Variants in RXFP1 observed in about 807,000 individuals in gnomAD.
RXFP1 encodes the protein relaxin family peptide receptor 1.
Under a neutral mutation model 89.8 loss-of-function variants are expected in RXFP1, and 73 were observed. The observed-to-expected ratio is 0.81, with a 90% confidence interval of 0.67 to 0.99. The LOEUF is 0.99. RXFP1 is among the 50% of genes least tolerant of loss of function. The pLI, the probability that RXFP1 is intolerant of heterozygous loss-of-function variation, is 0.00. For synonymous variants in RXFP1, 277 were observed against 305.5 expected (o/e 0.91, Z 0.97); for missense variants, 793 against 895.5 (o/e 0.89, Z 1.46).
intron 5 of RXFP1, among the ~76,000 whole-genome samples, chr4:158,605,437 C>G (rs1033810882): frequency 6.6e-6 from 1 of 152,164 alleles, no homozygotes; most frequent in African/African-American, 2.4e-5. Context: ...TTATCCTCTG[C>G]GTTATTCTAG....
chr4:158,564,706 G>T (rs375996702), intron 1 of RXFP1, among the ~76,000 whole-genome samples: 1 of 152,138 alleles, frequency 6.6e-6, no homozygotes, highest in African/African-American at 2.4e-5. Flanking sequence ...GTTACACAAC[G>T]AGAGCATGTT....
intron 3 of RXFP1, among the ~76,000 whole-genome samples, chr4:158,595,900 A>C (rs1343234688): frequency 4.6e-5 from 7 of 152,010 alleles, no homozygotes; most frequent in Admixed American, 3.3e-4. Context: ...TAATCCCAGC[A>C]CTTTGCGAGG....
At chr4:158,574,892 A>T (rs893621469) in intron 2 of RXFP1, among the ~76,000 whole-genome samples, 3 of 141,448 alleles carry the variant, frequency 2.1e-5, no homozygotes, top group Non-Finnish European at 4.4e-5. Flanking sequence ...TCATTTATTT[A>T]AAAAAAACAA....
Position 158,646,505 on chromosome 4 carries a change from T to C in RXFP1, c.1346-286T>C. The C allele has an allele frequency of 3.9e-6, 5 of 1,267,664 alleles. No homozygotes were observed. The South Asian group carries it at 7.9e-5, about 20-fold the overall frequency. 78.5% of individuals were successfully genotyped at this position (1,267,664 alleles called of 1,614,324 possible). ...TTATTCGACACTTCTATGTGATGGGTCTAGAACAATAGACAAGATCTGTGC... is the reference window on the plus strand; with the variant it reads ...TTATTCGACACTTCTATGTGATGGGCCTAGAACAATAGACAAGATCTGTGC... On this transcript the variant is annotated intron_variant, in intron 15 of 17. Transcript: ENST00000307765.
intron 12 of RXFP1, among the ~76,000 whole-genome samples, chr4:158,634,744 CATGTGG>C (rs1158170486): frequency 1.3e-5 from 2 of 152,058 alleles, no homozygotes; most frequent in Non-Finnish European, 2.9e-5. Context: ...CATTCTTTTG[CATGTGG>C]ATGTCCAGTT....
intron 1 of RXFP1, among the ~76,000 whole-genome samples, chr4:158,538,354 G>A (rs1465248368): frequency 6.6e-6 from 1 of 152,156 alleles, no homozygotes; most frequent in Non-Finnish European, 1.5e-5. Context: ...CGCACTCTGG[G>A]GAAAGAAGCA....
chr4:158,640,224 A>T (rs916565679), intron 14 of RXFP1, among the ~76,000 whole-genome samples: 2 of 152,308 alleles, frequency 1.3e-5, no homozygotes, highest in South Asian at 2.1e-4. Context: ...AGGGGAATCC[A>T]CTTGGTCTTG....
At chr4:158,630,655 G>T (rs1767857311) in intron 11 of RXFP1, among the ~76,000 whole-genome samples, 1 of 152,154 alleles carries the variant, frequency 6.6e-6, no homozygotes, top group South Asian at 2.1e-4. Context: ...ACTGCAGAGG[G>T]TGACCAAGGC....
At chr4:158,596,100 C>T (rs2150077441) in intron 3 of RXFP1, among the ~76,000 whole-genome samples, 1 of 151,874 alleles carries the variant, frequency 6.6e-6, no homozygotes, top group Admixed American at 6.6e-5. Flanking sequence ...AGAACAAAAC[C>T]CTCTCTCAGA....
chr4:158,649,678 T>TA (rs140738223), intron 17 of RXFP1, among the ~76,000 whole-genome samples: 5,431 of 152,222 alleles, frequency 0.036, 290 homozygotes, highest in African/African-American at 0.12. Context: ...ACTACTATTT[T>TA]AAAAAAACAC....
At chr4:158,590,375 G>C (rs555339277) in intron 2 of RXFP1, among the ~76,000 whole-genome samples, 1 of 152,210 alleles carries the variant, frequency 6.6e-6, no homozygotes, top group African/African-American at 2.4e-5. Context: ...GGCCAGACTG[G>C]TCTCAAAATC....
intron 14 of RXFP1, among the ~76,000 whole-genome samples, chr4:158,641,123 T>C (rs940419780): frequency 1.3e-5 from 2 of 152,236 alleles, no homozygotes; most frequent in East Asian, 1.9e-4. Context: ...TTTTCCATAG[T>C]TCCTCAGAAA....
At chr4:158,546,091 G>A (rs1490010704) in intron 1 of RXFP1, among the ~76,000 whole-genome samples, 1 of 152,096 alleles carries the variant, frequency 6.6e-6, no homozygotes, top group Non-Finnish European at 1.5e-5. Context: ...AGCATGGAAT[G>A]TTCTTCCATT....
chr4:158,541,898 C>T (rs986002441), intron 1 of RXFP1, among the ~76,000 whole-genome samples: 1 of 150,930 alleles, frequency 6.6e-6, no homozygotes, highest in African/African-American at 2.4e-5. Flanking sequence ...GCGGGGTGGC[C>T]GGGAGGAATG....
intron 1 of RXFP1, among the ~76,000 whole-genome samples, chr4:158,523,083 T>A (rs1200592549): frequency 6.6e-6 from 1 of 152,154 alleles, no homozygotes; most frequent in Non-Finnish European, 1.5e-5. Context: ...CCTGGGGAAA[T>A]ATTCTAGTCC....
intron 4 of RXFP1, among the ~76,000 whole-genome samples, chr4:158,600,673 T>A (rs542266928): frequency 4.2e-4 from 64 of 151,440 alleles, no homozygotes; most frequent in African/African-American, 1.4e-3. Flanking sequence ...CAAAAAAAAA[T>A]AAAAATTAGC....
chr4:158,525,224 G>GC (rs975765924), intron 1 of RXFP1, among the ~76,000 whole-genome samples: 6 of 151,456 alleles, frequency 4.0e-5, no homozygotes, highest in Non-Finnish European at 8.8e-5. Context: ...TTTGGCGGGG[G>GC]GGGGTTGGGT....
chr4:158,602,380 C>T (rs1305529540), intron 4 of RXFP1, among the ~76,000 whole-genome samples: 3 of 152,112 alleles, frequency 2.0e-5, no homozygotes, highest in East Asian at 1.9e-4. Context: ...TGGGTTCTCT[C>T]GTAGAACCTC....
At chr4:158,537,880 GGATA>G (rs1301409431) in intron 1 of RXFP1, among the ~76,000 whole-genome samples, 8 of 152,196 alleles carry the variant, frequency 5.3e-5, no homozygotes, top group African/African-American at 1.4e-4. Flanking sequence ...AGGGATAGAG[GGATA>G]GATAGAGGGA....
Sources: gnomAD v4.1 joint callset for allele counts (sites outside exome capture counted in the v4.1 genomes callset) on GRCh38, gnomAD v4.1.1 for gene constraint, MANE v1.5 for transcripts, NCBI Gene and HGNC (gene_info 2026-07-23, HGNC 2026-07-21) for gene names.